Variants in AUTS2 observed in about 807,000 individuals in gnomAD.
AUTS2 encodes the protein autism susceptibility gene 2 protein.
A neutral mutation model predicts 112.4 loss-of-function variants in AUTS2; 17 were observed. The ratio of observed to expected loss-of-function variants is 0.15; its 90% confidence interval spans 0.10 to 0.23. The LOEUF is 0.23. AUTS2 is among the 10% of genes least tolerant of loss of function. The pLI is 1.00. For missense variants in AUTS2, 1,510 were observed against 1,701.6 expected, an observed-to-expected ratio of 0.89 and a Z score of 1.98; for synonymous variants, 751 against 702.7, an observed-to-expected ratio of 1.07 and a Z score of -1.09.
At chr7:69,726,545 T>G (rs1467101091) in intron 1 of AUTS2, among the ~76,000 whole-genome samples, 8 of 152,078 alleles carry the variant, frequency 5.3e-5, no homozygotes, top group Non-Finnish European at 8.8e-5. Flanking sequence ...GGTCATGATT[T>G]TTTTTTAACG....
chr7:69,813,107 C>T (rs1319017245), intron 1 of AUTS2, among the ~76,000 whole-genome samples: 2 of 152,190 alleles, frequency 1.3e-5, no homozygotes, highest in Non-Finnish European at 2.9e-5. Context: ...CACCCCATCT[C>T]CTACTATCCC....
At chr7:70,068,481 G>T (rs1802604284) in intron 2 of AUTS2, among the ~76,000 whole-genome samples, 1 of 151,988 alleles carries the variant, frequency 6.6e-6, no homozygotes, top group Non-Finnish European at 1.5e-5. Context: ...ACTGTGCCCG[G>T]CCATAAGTAG....
At chr7:70,577,601 T>G (rs1802225679) in intron 5 of AUTS2, among the ~76,000 whole-genome samples, 1 of 152,214 alleles carries the variant, frequency 6.6e-6, no homozygotes, top group Non-Finnish European at 1.5e-5. Context: ...TCTGAGATTA[T>G]TGTCATTTTG....
At chr7:70,781,526 C>CGGTG in intron 14 of AUTS2, 89 bp from the exon 15 acceptor site, 2 of 1,484,862 alleles carry the variant, frequency 1.3e-6, no homozygotes, top group Non-Finnish European at 1.8e-6. Flanking sequence ...CCAAGTGCAC[C>CGGTG]GTTCACAGTC....
chr7:69,620,612 C>A (rs10261380), intron 1 of AUTS2, among the ~76,000 whole-genome samples: 11,529 of 152,126 alleles, frequency 0.076, 593 homozygotes, highest in African/African-American at 0.14. Flanking sequence ...AAAAATATTC[C>A]CAGCACGTAA....
At chr7:70,403,597 C>T (rs1400231336) in intron 4 of AUTS2, among the ~76,000 whole-genome samples, 2 of 152,216 alleles carry the variant, frequency 1.3e-5, no homozygotes, top group Non-Finnish European at 2.9e-5. Flanking sequence ...GATTTCATGG[C>T]TCCTGTCCAT....
chr7:70,488,287 G>C (rs1398663117), intron 5 of AUTS2, among the ~76,000 whole-genome samples: 1 of 152,146 alleles, frequency 6.6e-6, no homozygotes, highest in Non-Finnish European at 1.5e-5. Flanking sequence ...CTTTCCTTCT[G>C]TTTGTCATTT....
chr7:69,706,325 G>C (rs186791956), intron 1 of AUTS2, among the ~76,000 whole-genome samples: 11 of 152,312 alleles, frequency 7.2e-5, no homozygotes, highest in Admixed American at 7.2e-4. Flanking sequence ...ATAGCTGGCT[G>C]TGTGTGTTGG....
chr7:69,782,292 G>A (rs929761560), intron 1 of AUTS2, among the ~76,000 whole-genome samples: 4 of 152,062 alleles, frequency 2.6e-5, no homozygotes, highest in African/African-American at 7.2e-5. Context: ...GAGCCTGGGA[G>A]ATCGAGGCTG....
rs77531995 is a variant in AUTS2 at position 69,772,442 on chromosome 7, T to C, written c.310-126844T>C. Among the ~76,000 whole-genome samples the C allele has an allele frequency of 3.0e-3, 454 of 152,320 alleles. 3 individuals are homozygous for C. Among genetic ancestry groups the C allele is most frequent in the African/African-American group, 0.01 (431 of 41,570 alleles). ...TTTCTGTCAGGGAACTTAAAGTCTTTTTGTTTGTTTGTTTTGGAGATAGGG... is the reference window on the plus strand; with the variant it reads ...TTTCTGTCAGGGAACTTAAAGTCTTCTTGTTTGTTTGTTTTGGAGATAGGG... On this transcript the variant is annotated intron_variant, in intron 1 of 18. Coordinates refer to ENST00000342771, the MANE Select transcript of AUTS2 (RefSeq NM_015570.4).
intron 4 of AUTS2, among the ~76,000 whole-genome samples, chr7:70,241,833 A>G (rs564851845): frequency 1.3e-5 from 2 of 152,314 alleles, no homozygotes; most frequent in South Asian, 4.1e-4. Context: ...TTACAGAGAA[A>G]TGCTGTTCTA....
At chr7:69,876,321 G>C (rs1418684247) in intron 1 of AUTS2, among the ~76,000 whole-genome samples, 2 of 48,880 alleles carry the variant, frequency 4.1e-5, no homozygotes, top group African/African-American at 2.0e-4. Flanking sequence ...GCGAGACTCT[G>C]TCTCAAAAAA....
At chr7:69,828,405 C>T (rs937476801) in intron 1 of AUTS2, among the ~76,000 whole-genome samples, 2 of 152,284 alleles carry the variant, frequency 1.3e-5, no homozygotes, top group African/African-American at 4.8e-5. Flanking sequence ...AGAGGACAGG[C>T]CCACATGCAG....
At position 70,338,810 on chromosome 7, in the gene AUTS2, C is replaced by G. The variant is rs1310046173; in HGVS notation, c.661-96942C>G. ...ATGACTCTCTACTAGGCTGTTCCAC[C>G]TAACCCATCTCCAGCCTCATCTCTT... On this transcript the variant is annotated intron_variant, in intron 4 of 18. Transcript: ENST00000342771. Among the ~76,000 whole-genome samples, 3 of 148,614 alleles carry G rather than the reference C, an allele frequency of 2.0e-5. No homozygotes were observed. The East Asian group carries it at 6.0e-4, about 30-fold the overall frequency.
intron 5 of AUTS2, among the ~76,000 whole-genome samples, chr7:70,590,158 G>GTATATA (rs61345387): frequency 1.4e-5 from 2 of 145,402 alleles, no homozygotes; most frequent in African/African-American, 5.2e-5. Context: ...GTGTATGTAT[G>GTATATA]TATATATATA....
At chr7:70,429,132 T>G (rs1795548063) in intron 4 of AUTS2, among the ~76,000 whole-genome samples, 1 of 152,246 alleles carries the variant, frequency 6.6e-6, no homozygotes, top group African/African-American at 2.4e-5. Context: ...TTCTTGTACT[T>G]TCTCTTTGGA....
intron 5 of AUTS2, among the ~76,000 whole-genome samples, chr7:70,508,553 AG>A (rs1799060835): frequency 6.6e-6 from 1 of 152,132 alleles, no homozygotes; most frequent in Admixed American, 6.5e-5. Flanking sequence ...TTCTCTCCCC[AG>A]TAGTCAGTCC....
At chr7:70,140,311 A>G (rs1191788747) in intron 4 of AUTS2, among the ~76,000 whole-genome samples, 1 of 152,214 alleles carries the variant, frequency 6.6e-6, no homozygotes, top group East Asian at 1.9e-4. Flanking sequence ...GAGCTGCAAA[A>G]TGGTGATATT....
At chr7:70,611,124 T>A (rs1264926102) in intron 5 of AUTS2, among the ~76,000 whole-genome samples, 1 of 152,224 alleles carries the variant, frequency 6.6e-6, no homozygotes, top group Non-Finnish European at 1.5e-5. Flanking sequence ...AAGTCTTTAA[T>A]CCATTTTGAG....
Sources: gnomAD v4.1 joint callset for allele counts (sites outside exome capture counted in the v4.1 genomes callset) on GRCh38, gnomAD v4.1.1 for gene constraint, MANE v1.5 for transcripts, NCBI Gene and HGNC (gene_info 2026-07-23, HGNC 2026-07-21) for gene names.